Variants in GRAP2 observed in about 807,000 individuals in gnomAD.
GRAP2 encodes the protein GRB2-related adapter protein 2.
GRAP2 carries 31 observed loss-of-function variants against 43.5 expected under a neutral mutation model. That is an observed-to-expected ratio of 0.71 (90% CI 0.54 to 0.96). GRAP2 has a LOEUF of 0.96. Among genes scored for constraint, GRAP2 ranks in the 40% least tolerant of loss-of-function variants. GRAP2 has a pLI of 0.00. For missense variants in GRAP2, 371 were observed against 424.4 expected (o/e 0.87, Z 1.11); for synonymous variants, 156 against 164.8 (o/e 0.95, Z 0.41).
intron 1 of GRAP2, among the ~76,000 whole-genome samples, chr22:39,903,505 TCTCA>T (rs2066505445): frequency 8.1e-6 from 1 of 122,978 alleles, no homozygotes; most frequent in African/African-American, 3.1e-5. Context: ...TGAGACAGGG[TCTCA>T]CTCTGTCACT....
At chr22:39,947,395 G>T in intron 2 of GRAP2, 2 of 559,498 alleles carry the variant, frequency 3.6e-6, no homozygotes, top group East Asian at 6.0e-5. Flanking sequence ...GTCCTGGGAG[G>T]TTCGTAGTCT....
At chr22:39,925,787 G>A (rs903338950) in intron 1 of GRAP2, among the ~76,000 whole-genome samples, 1 of 152,210 alleles carries the variant, frequency 6.6e-6, no homozygotes, top group South Asian at 2.1e-4. Context: ...CCCCAGATCC[G>A]GTACCTCCCT....
intron 1 of GRAP2, among the ~76,000 whole-genome samples, chr22:39,923,186 G>A (rs992913293): frequency 5.3e-5 from 8 of 152,136 alleles, no homozygotes; most frequent in African/African-American, 1.9e-4. Flanking sequence ...AACTGTGAGG[G>A]CAGTGGTGCC....
In GRAP2 at chr22:39,966,039, A is replaced by G. The variant is rs1458959115; in HGVS notation, c.340A>G (p.Asn114Asp). The part of the protein sequence containing the change: ...HFKVMRDNKG[N>D]YFLWTEKFPS... ...CAAGGTCATGCGAGACAACAAGGGTAATTACTTTCTGTGGACTGAGAAGTT... is the reference window on the plus strand; with the variant it reads ...CAAGGTCATGCGAGACAACAAGGGTGATTACTTTCTGTGGACTGAGAAGTT... Residue 114 changes from asparagine (N) to aspartate (D), a missense_variant, in exon 5 of 8, where the codon AAT becomes GAT. Physicochemically the swap from Asn to Asp is conservative, Grantham distance 23 (BLOSUM62 1). Coordinates refer to ENST00000344138, the MANE Select transcript of GRAP2 (RefSeq NM_004810.4). 1 of 1,613,934 alleles carries G rather than the reference A, an allele frequency of 6.2e-7. No homozygotes were observed. Among genetic ancestry groups the G allele is most frequent in the Admixed American group, 1.7e-5 (1 of 60,030 alleles).
rs1008717322 is a variant in GRAP2 at position 39,972,734 on chromosome 22, A to T, written c.*1650A>T. Reference sequence around the variant, plus strand: ...TCATGTTTCCTTTAGAGGAAAGAGGAAAAAAGGAACTCTGTGGTGGGTATT... The same window carrying T: ...TCATGTTTCCTTTAGAGGAAAGAGGTAAAAAGGAACTCTGTGGTGGGTATT... On this transcript the variant is annotated 3_prime_UTR_variant, in exon 8 of 8. Transcript: ENST00000344138. The T allele has an allele frequency of 1.3e-5, 2 of 152,488 alleles. No homozygotes were observed. Among genetic ancestry groups the T allele is most frequent in the Non-Finnish European group, 2.9e-5 (2 of 68,034 alleles). 9.4% of individuals were successfully genotyped at this position (152,488 alleles called of 1,614,324 possible). A position where few individuals can be genotyped will look rare whatever the true frequency, so the allele number is the denominator to read the frequency against.
At chr22:39,901,645 C>T (rs1569188785) in intron 1 of GRAP2, among the ~76,000 whole-genome samples, 1 of 152,190 alleles carries the variant, frequency 6.6e-6, no homozygotes, top group Non-Finnish European at 1.5e-5. Context: ...TAAAATTCCA[C>T]TTCACCATGG....
intron 2 of GRAP2, among the ~76,000 whole-genome samples, chr22:39,954,397 TA>T (rs1042096528): frequency 2.0e-5 from 3 of 152,214 alleles, no homozygotes; most frequent in African/African-American, 7.2e-5. Context: ...ATCAAAGACT[TA>T]AAAAAAATTT....
upstream of GRAP2, among the ~76,000 whole-genome samples, chr22:39,897,401 A>G (rs559658734): frequency 2.0e-5 from 3 of 152,138 alleles, no homozygotes; most frequent in South Asian, 2.1e-4. Context: ...AACATTATCT[A>G]TGTTTCTAGA....
At chr22:39,953,175 C>G (rs1367378901) in intron 2 of GRAP2, among the ~76,000 whole-genome samples, 1 of 152,170 alleles carries the variant, frequency 6.6e-6, no homozygotes, top group African/African-American at 2.4e-5. Context: ...ACTCTGAAAC[C>G]CCAAGCCCCA....
chr22:39,950,236 ATCAC>A (rs2145642452), intron 2 of GRAP2, among the ~76,000 whole-genome samples: 1 of 152,048 alleles, frequency 6.6e-6, no homozygotes, highest in Admixed American at 6.5e-5. Context: ...AGGGAAACAA[ATCAC>A]TCCCTCTTCA....
At chr22:39,897,588 C>T (rs183257080), upstream of GRAP2, among the ~76,000 whole-genome samples, 131 of 147,794 alleles carry the variant, frequency 8.9e-4, no homozygotes, top group African/African-American at 3.0e-3. Flanking sequence ...GGCGCAATCT[C>T]GGCTCACTGC....
At chr22:39,959,850 A>T (rs1048778745) in intron 3 of GRAP2, among the ~76,000 whole-genome samples, 1 of 152,190 alleles carries the variant, frequency 6.6e-6, no homozygotes, top group Non-Finnish European at 1.5e-5. Flanking sequence ...AGGAACAAAG[A>T]GGGTGAATCA....
At chr22:39,936,849 C>G (rs1439322269) in intron 1 of GRAP2, among the ~76,000 whole-genome samples, 1 of 152,192 alleles carries the variant, frequency 6.6e-6, no homozygotes, top group Non-Finnish European at 1.5e-5. Context: ...CGATTGCAGT[C>G]TTTACCTCTT....
intron 1 of GRAP2, among the ~76,000 whole-genome samples, chr22:39,923,370 A>T (rs761075444): frequency 6.6e-6 from 1 of 152,226 alleles, no homozygotes; most frequent in Non-Finnish European, 1.5e-5. Context: ...AATATATGGG[A>T]CATACATGAG....
the GRAP2 span, among the ~76,000 whole-genome samples, chr22:39,894,060 T>C: frequency 6.6e-6 from 1 of 151,562 alleles, no homozygotes; most frequent in Non-Finnish European, 1.5e-5. Flanking sequence ...ATTAATTTAC[T>C]AAATGTTCAC....
chr22:39,966,303 A>G (rs984647972), intron 5 of GRAP2, 145 bp downstream of exon 5: 7 of 646,286 alleles, frequency 1.1e-5, no homozygotes, highest in African/African-American at 1.8e-5. Context: ...TCAGATCTCA[A>G]CTTAACACTT....
At chr22:39,954,464 C>T (rs564704985) in intron 2 of GRAP2, among the ~76,000 whole-genome samples, 9 of 152,236 alleles carry the variant, frequency 5.9e-5, no homozygotes, top group Admixed American at 5.9e-4. Context: ...GGCAAGATCA[C>T]GGTTCACTGC....
chr22:39,959,230 GT>G (rs1477733436), intron 3 of GRAP2, among the ~76,000 whole-genome samples: 1 of 152,186 alleles, frequency 6.6e-6, no homozygotes, highest in Non-Finnish European at 1.5e-5. Flanking sequence ...GCCTGGCCCT[GT>G]GTAAGTGTTT....
chr22:39,924,204 A>C (rs1476589883), intron 1 of GRAP2, among the ~76,000 whole-genome samples: 1 of 152,220 alleles, frequency 6.6e-6, no homozygotes, highest in Non-Finnish European at 1.5e-5. Flanking sequence ...TTAAGCTCCC[A>C]GGAAATGCAT....
Sources: gnomAD v4.1 joint callset for allele counts (sites outside exome capture counted in the v4.1 genomes callset) on GRCh38, gnomAD v4.1.1 for gene constraint, MANE v1.5 for transcripts, NCBI Gene and HGNC (gene_info 2026-07-23, HGNC 2026-07-21) for gene names.